SORBS2: variants seen among roughly 807,000 people sequenced by gnomAD.
SORBS2 encodes the protein sorbin and SH3 domain containing 2.
Under a neutral mutation model 97.7 loss-of-function variants are expected in SORBS2, and 46 were observed. The ratio of observed to expected loss-of-function variants is 0.47; its 90% CI spans 0.37 to 0.60. The LOEUF (loss-of-function observed/expected upper bound fraction) is 0.60. Ranked by LOEUF, SORBS2 falls within the 20% of genes least tolerant of loss-of-function variation. The pLI is 0.00. For missense variants in SORBS2, 1,316 were observed against 1,282.3 expected (o/e 1.03, Z -0.40); for synonymous variants, 476 against 473.4 (o/e 1.01, Z -0.07).
intron 1 of SORBS2, among the ~76,000 whole-genome samples, chr4:185,776,503 GT>G (rs537180457): frequency 1.3e-5 from 2 of 152,086 alleles, no homozygotes; most frequent in East Asian, 3.9e-4. Flanking sequence ...GAAATCCCTG[GT>G]TTTTTTCAAC....
At position 185,927,923 on chromosome 4, in the gene SORBS2, C is replaced by G. The variant is rs116037143; in HGVS notation, c.-338+28273G>C. Among the ~76,000 whole-genome samples, 848 of 152,228 alleles carry G rather than the reference C, an allele frequency of 5.6e-3. 9 individuals carry two copies. Among genetic ancestry groups the G allele is most frequent in the African/African-American group, 0.02 (811 of 41,538 alleles). On this transcript the variant is annotated intron_variant, in intron 1 of 20. Coordinates refer to the SORBS2 transcript ENST00000284776. Reference sequence around the variant, plus strand: ...TTCTGATTTGTTTTATTTGATATGTCACCTTGTTGATTTAACATAAATTGT... The same window carrying G: ...TTCTGATTTGTTTTATTTGATATGTGACCTTGTTGATTTAACATAAATTGT...
chr4:185,661,447 G>A (rs1294063349), upstream of SORBS2, among the ~76,000 whole-genome samples: 10 of 152,162 alleles, frequency 6.6e-5, no homozygotes, highest in Admixed American at 3.3e-4. Context: ...ACGTCCGTAT[G>A]TCCATTTGTT....
intron 1 of SORBS2, among the ~76,000 whole-genome samples, chr4:185,935,687 G>A (rs553398632): frequency 6.6e-6 from 1 of 152,230 alleles, no homozygotes; most frequent in African/African-American, 2.4e-5. Flanking sequence ...AACCTAGAAC[G>A]GTGGGCTGTT....
intron 14 of SORBS2, 36 bp from the exon 27 acceptor site, chr4:185,587,724 A>C: frequency 6.6e-7 from 1 of 1,519,460 alleles, no homozygotes; most frequent in East Asian, 2.3e-5. Context: ...GGGGGGTGAC[A>C]ACGATATCAG....
In SORBS2 at chr4:185,678,838, A is replaced by G. The variant is rs67212481; in HGVS notation, c.-197-16T>C. ...GAATCACGCCCTGAAAGAAAAAAAA[A>G]TGTTGAAATTAAGACTAAGGTGAAA... On this transcript the variant is annotated splice_polypyrimidine_tract_variant and intron_variant, in intron 2 of 20. Coordinates refer to the SORBS2 transcript ENST00000284776. 3 of 1,420,306 alleles carry G rather than the reference A, an allele frequency of 2.1e-6. No individual in the cohort carries two copies. The highest frequency in any genetic ancestry group is 1.5e-5 in the African/African-American group (1 of 68,156). The allele number at this position is 1,420,306 out of a possible 1,614,324, so 88.0% of individuals were successfully genotyped here.
At chr4:185,945,170 T>A (rs753588091) in intron 1 of SORBS2, among the ~76,000 whole-genome samples, 1 of 152,238 alleles carries the variant, frequency 6.6e-6, no homozygotes, top group East Asian at 1.9e-4. Flanking sequence ...GCTAAATGCA[T>A]TGTGATAGCT....
chr4:185,745,735 G>A lies in SORBS2; in HGVS notation c.-198+29492C>T, dbSNP rs571630489. 1.2e-4 allele frequency among the ~76,000 whole-genome samples: 18 copies of A among 152,196 alleles called. No homozygotes were observed. The South Asian group carries it at 1.2e-3, about 11-fold the overall frequency. The stretch of plus-strand genomic sequence containing the variant: ...CATTCTCTTTTTAGTTTTCTTCAAC[G>A]GATATATTTCATTTTTAAGCCTATC... On this transcript the variant is annotated intron_variant, in intron 2 of 20. Transcript: ENST00000284776.
At chr4:185,631,787 A>C (rs149954118) in intron 4 of SORBS2, among the ~76,000 whole-genome samples, 1 of 63,992 alleles carries the variant, frequency 1.6e-5, no homozygotes, top group South Asian at 9.1e-4. Context: ...AAAAAACAAC[A>C]AAAAAACAAA....
rs535395955 is a variant in SORBS2, at chr4:185,738,522, A to G, written c.-198+36705T>C. Among the ~76,000 whole-genome samples, 3 of 152,336 alleles carry G rather than the reference A, an allele frequency of 2.0e-5. No individual in the cohort carries two copies. In the East Asian group the frequency reaches 5.8e-4, roughly 29 times the overall value. On this transcript the variant is annotated intron_variant, in intron 2 of 20. Coordinates refer to the SORBS2 transcript ENST00000284776. ...TACTTTGCCAAGTATTTCATAAAAA[A>G]ACTATTTTCTTTTTGTTTCGTGCCA...
At chr4:185,933,925 A>T (rs185534632) in intron 1 of SORBS2, among the ~76,000 whole-genome samples, 2 of 152,306 alleles carry the variant, frequency 1.3e-5, no homozygotes, top group Admixed American at 1.3e-4. Context: ...TTGACCTCCA[A>T]CTGGCTTTAA....
chr4:185,852,055 T>C (rs2099218183), intron 1 of SORBS2, among the ~76,000 whole-genome samples: 1 of 152,212 alleles, frequency 6.6e-6, no homozygotes. Context: ...AGATAATTGT[T>C]TGATGAATGA....
At chr4:185,819,862 GT>G (rs998695758) in intron 1 of SORBS2, among the ~76,000 whole-genome samples, 1 of 152,162 alleles carries the variant, frequency 6.6e-6, no homozygotes, top group Admixed American at 6.5e-5. Context: ...TTCATTCACT[GT>G]GGAACAAATA....
chr4:185,833,103 T>TA (rs781442109), intron 1 of SORBS2, among the ~76,000 whole-genome samples: 146 of 152,338 alleles, frequency 9.6e-4, no homozygotes, highest in Middle Eastern at 3.4e-3. Flanking sequence ...TATGTGGTCT[T>TA]AAAATGGCTA....
chr4:185,924,078 C>T (rs975272083), intron 1 of SORBS2, among the ~76,000 whole-genome samples: 8 of 152,152 alleles, frequency 5.3e-5, no homozygotes, highest in Admixed American at 3.3e-4. Context: ...AGGTCACAGT[C>T]AATATTTGTG....
intron 1 of SORBS2, among the ~76,000 whole-genome samples, chr4:185,777,740 A>T (rs2099006819): frequency 6.6e-6 from 1 of 152,138 alleles, no homozygotes. Flanking sequence ...CAGAACTGAG[A>T]TGTCATATAA....
At chr4:185,624,158 A>G in exon 7 of SORBS2, 1 of 1,614,164 alleles carries the variant, frequency 6.2e-7, no homozygotes, top group Non-Finnish European at 8.5e-7. Context: ...CCCCCACGCC[A>G]TGGGGCAGCT....
At chr4:185,765,934 T>C (rs960877136) in intron 2 of SORBS2, among the ~76,000 whole-genome samples, 1 of 152,216 alleles carries the variant, frequency 6.6e-6, no homozygotes, top group African/African-American at 2.4e-5. Flanking sequence ...TTTTGTCTTA[T>C]TCTGCCTTGA....
At chr4:185,796,480 G>A (rs952112031) in intron 1 of SORBS2, among the ~76,000 whole-genome samples, 6 of 148,376 alleles carry the variant, frequency 4.0e-5, no homozygotes, top group African/African-American at 1.5e-4. Context: ...GCTGCTCCCT[G>A]GTCACGGTGA....
intron 14 of SORBS2, chr4:185,588,056 C>T: frequency 4.9e-6 from 1 of 205,190 alleles, no homozygotes; most frequent in South Asian, 9.2e-5. Flanking sequence ...TGACAGGTGA[C>T]AGGGTGAGTG....
Sources: gnomAD v4.1 joint callset for allele counts (sites outside exome capture counted in the v4.1 genomes callset) on GRCh38, gnomAD v4.1.1 for gene constraint, MANE v1.5 for transcripts, NCBI Gene and HGNC (gene_info 2026-07-23, HGNC 2026-07-21) for gene names.